The following CCDC15 variants were observed in gnomAD, a reference collection of about 807,000 sequenced individuals.
CCDC15 encodes coiled-coil domain containing 15.
CCDC15 carries 105 observed loss-of-function variants against 114.5 expected under a neutral mutation model. The ratio of observed to expected loss-of-function variants is 0.92; its 90% CI spans 0.78 to 1.08. CCDC15 has a LOEUF of 1.08. Ranked by LOEUF, CCDC15 falls within the 50% of genes least tolerant of loss-of-function variation. CCDC15 has a pLI of 0.00. For synonymous variants in CCDC15, 334 were observed against 377.8 expected, an observed-to-expected ratio of 0.88 and a Z score of 1.34; for missense variants, 1,105 against 1,093.6, an observed-to-expected ratio of 1.01 and a Z score of -0.15.
At chr11:124,972,173 CA>C (rs1387794836) in intron 4 of CCDC15, among the ~76,000 whole-genome samples, 2 of 152,118 alleles carry the variant, frequency 1.3e-5, no homozygotes. Context: ...ATGAGTAATT[CA>C]TCTTCATCAG....
chr11:125,031,785 A>T (rs1465850780), intron 13 of CCDC15, among the ~76,000 whole-genome samples: 1 of 152,348 alleles, frequency 6.6e-6, no homozygotes, highest in Non-Finnish European at 1.5e-5. Flanking sequence ...CAGCTCGCAC[A>T]GCAGCCTGGA....
intron 6 of CCDC15, among the ~76,000 whole-genome samples, chr11:124,982,995 T>C (rs1948096983): frequency 6.6e-6 from 1 of 152,192 alleles, no homozygotes; most frequent in South Asian, 2.1e-4. Context: ...TATTCTTCTT[T>C]ATTCTTTTTT....
chr11:125,030,718 G>T (rs956900433), intron 13 of CCDC15, among the ~76,000 whole-genome samples: 8 of 152,200 alleles, frequency 5.3e-5, no homozygotes, highest in Non-Finnish European at 7.3e-5. Context: ...GCTGTAGCCA[G>T]GTCAGCCTTG....
intron 4 of CCDC15, among the ~76,000 whole-genome samples, chr11:124,970,426 C>T (rs2135449888): frequency 6.6e-6 from 1 of 152,192 alleles, no homozygotes; most frequent in South Asian, 2.1e-4. Flanking sequence ...GTGAGTTCAA[C>T]TTTTAATGTA....
At chr11:124,986,112 CTA>C in intron 6 of CCDC15, among the ~76,000 whole-genome samples, 1 of 152,154 alleles carries the variant, frequency 6.6e-6, no homozygotes. Context: ...GTTGAAAACA[CTA>C]TTCTTTCCTC....
At position 124,997,666 on chromosome 11, in the gene CCDC15, G is replaced by T. The variant is rs183666411; in HGVS notation, c.2214+4423G>T. 4.6e-3 allele frequency among the ~76,000 whole-genome samples: 700 copies of T among 152,310 alleles called. 1 individual carries two copies. Among genetic ancestry groups the T allele is most frequent in the Non-Finnish European group, 7.7e-3 (523 of 68,032 alleles). On this transcript the variant is annotated intron_variant, in intron 11 of 15. Transcript: ENST00000344762. ...CTACATTAAAGATACTGCCAACTGGGCATGGTGGCTCATGCCTATAATCCC... is the reference window on the plus strand; with the variant it reads ...CTACATTAAAGATACTGCCAACTGGTCATGGTGGCTCATGCCTATAATCCC...
intron 13 of CCDC15, among the ~76,000 whole-genome samples, chr11:125,013,639 G>A (rs917245320): frequency 6.6e-6 from 1 of 152,098 alleles, no homozygotes; most frequent in Non-Finnish European, 1.5e-5. Context: ...TTTCTTCTTA[G>A]ATAATTGAAT....
At chr11:125,037,130 T>C (rs1565385337) in intron 13 of CCDC15, among the ~76,000 whole-genome samples, 3 of 152,226 alleles carry the variant, frequency 2.0e-5, no homozygotes, top group African/African-American at 7.2e-5. Context: ...TGTTAGTTGC[T>C]GGATGTCTTT....
chr11:125,017,049 G>T (rs756885964), intron 13 of CCDC15, among the ~76,000 whole-genome samples: 57 of 152,092 alleles, frequency 3.7e-4, no homozygotes, highest in Non-Finnish European at 5.0e-4. Flanking sequence ...AATCATTTAT[G>T]CCTTCTTTGC....
At chr11:124,975,635 T>C (rs1483492955) in intron 5 of CCDC15, among the ~76,000 whole-genome samples, 2 of 151,838 alleles carry the variant, frequency 1.3e-5, no homozygotes, top group Non-Finnish European at 2.9e-5. Context: ...AACAAGCAAA[T>C]AAATATAGAA....
intron 4 of CCDC15, among the ~76,000 whole-genome samples, chr11:124,971,559 A>G (rs1245163958): frequency 1.3e-5 from 2 of 152,216 alleles, no homozygotes; most frequent in Non-Finnish European, 2.9e-5. Flanking sequence ...TATATATGCA[A>G]TATGAGAACC....
chr11:124,969,917 T>G (rs1445888017), intron 4 of CCDC15, among the ~76,000 whole-genome samples: 1 of 152,174 alleles, frequency 6.6e-6, no homozygotes, highest in Admixed American at 6.5e-5. Flanking sequence ...ATATTTGATC[T>G]TCACACTAAT....
intron 8 of CCDC15, among the ~76,000 whole-genome samples, chr11:124,990,748 C>T (rs541301609): frequency 7.2e-5 from 11 of 152,238 alleles, no homozygotes; most frequent in Non-Finnish European, 1.5e-4. Context: ...TATTTTTAAT[C>T]TTCTTCATTG....
At chr11:125,004,596 A>G (rs1399217055) in intron 12 of CCDC15, among the ~76,000 whole-genome samples, 1 of 152,028 alleles carries the variant, frequency 6.6e-6, no homozygotes, top group Non-Finnish European at 1.5e-5. Flanking sequence ...AGAGGAATGA[A>G]CAGATCACAC....
At chr11:124,989,387 CA>C (rs1182390163) in intron 8 of CCDC15, among the ~76,000 whole-genome samples, 1 of 152,140 alleles carries the variant, frequency 6.6e-6, no homozygotes, top group East Asian at 1.9e-4. Flanking sequence ...CTTCACAAAG[CA>C]CAAGAAAAGT....
chr11:125,000,012 C>T (rs1433082353), intron 11 of CCDC15, among the ~76,000 whole-genome samples: 2 of 151,836 alleles, frequency 1.3e-5, no homozygotes, highest in Non-Finnish European at 2.9e-5. Context: ...CAGGCGCCCA[C>T]CACCACGCCT....
intron 13 of CCDC15, among the ~76,000 whole-genome samples, chr11:125,021,153 T>C (rs916722592): frequency 6.6e-6 from 1 of 151,648 alleles, no homozygotes; most frequent in African/African-American, 2.4e-5. Flanking sequence ...GAACACCTAG[T>C]GTAGAGCAGA....
Position 125,039,031 on chromosome 11 carries a change from C to T in CCDC15, c.2696C>T (p.Thr899Ile). Residue 899 changes from threonine (T) to isoleucine (I), a missense_variant, in exon 15 of 16, where the codon ACC (threonine) becomes ATC (isoleucine). Physicochemically the swap from Thr to Ile is moderately conservative, Grantham distance 89. Transcript: ENST00000344762. ...GATTTTTGGGATGCTCATCCTGATA[C>T]CTGTGCCAACAACTGTATTTTCTAT... Reference protein sequence around the residue: ...GPDFWDAHPDTCANNCIFYKN... With the variant: ...GPDFWDAHPDICANNCIFYKN... 6.2e-7 allele frequency: 1 copy of T among 1,607,830 alleles called. No individual in the cohort carries two copies.
intron 13 of CCDC15, among the ~76,000 whole-genome samples, chr11:125,037,869 T>C (rs1003866184): frequency 1.3e-5 from 2 of 152,198 alleles, no homozygotes; most frequent in Non-Finnish European, 2.9e-5. Context: ...CCCTGTTTAC[T>C]TGTAGTTTCA....
Sources: gnomAD v4.1 joint callset for allele counts (sites outside exome capture counted in the v4.1 genomes callset) on GRCh38, gnomAD v4.1.1 for gene constraint, MANE v1.5 for transcripts, NCBI Gene and HGNC (gene_info 2026-07-23, HGNC 2026-07-21) for gene names.